The following NRCAM variants were observed in gnomAD, a reference collection of about 807,000 sequenced individuals.
NRCAM encodes neuronal cell adhesion molecule.
In NRCAM, 83 loss-of-function variants were observed where a neutral mutation model predicts 156.5. That is an observed-to-expected ratio of 0.53 (90% CI 0.44 to 0.64). The LOEUF is 0.64. NRCAM is among the 30% of genes least tolerant of loss of function. The pLI is 0.00. For missense variants in NRCAM, 1,417 were observed against 1,597.3 expected (o/e 0.89, Z 1.92); for synonymous variants, 538 against 563.9 (o/e 0.95, Z 0.65).
intron 2 of NRCAM, among the ~76,000 whole-genome samples, chr7:108,355,051 A>G (rs1431409828): frequency 6.6e-6 from 1 of 152,250 alleles, no homozygotes; most frequent in Non-Finnish European, 1.5e-5. Flanking sequence ...GAAGGGTTTT[A>G]GAGAGCTCTG....
At position 108,442,705 on chromosome 7, in the gene NRCAM, A is replaced by G. The variant is rs1839997813; in HGVS notation, c.-332+13538T>C. 2.0e-5 allele frequency among the ~76,000 whole-genome samples: 3 copies of G among 152,226 alleles called. No homozygotes were observed. In the South Asian group the frequency reaches 6.2e-4, roughly 32 times the overall value. ...GTCAATCACCAAATATGACAGTGTT[A>G]TCCACAAATCTTTCAAACTGTCCTT... On this transcript the variant is annotated intron_variant, in intron 1 of 32. Transcript: ENST00000379028.
At chr7:108,161,045 T>C (rs2048629723) in intron 30 of NRCAM, among the ~76,000 whole-genome samples, 1 of 152,256 alleles carries the variant, frequency 6.6e-6, no homozygotes, top group African/African-American at 2.4e-5. Flanking sequence ...AACAGCCATA[T>C]TGTTTTATAT....
At chr7:108,333,170 T>C (rs1201385884) in intron 2 of NRCAM, among the ~76,000 whole-genome samples, 4 of 152,206 alleles carry the variant, frequency 2.6e-5, no homozygotes, top group African/African-American at 9.6e-5. Flanking sequence ...TCTGGAAGTT[T>C]CCATTGCTAT....
intron 2 of NRCAM, among the ~76,000 whole-genome samples, chr7:108,327,911 C>G (rs1020194540): frequency 6.6e-6 from 1 of 152,116 alleles, no homozygotes; most frequent in Admixed American, 6.6e-5. Context: ...TCAAAAACAT[C>G]AGGCATGCAG....
chr7:108,208,866 T>C (rs938184186), intron 12 of NRCAM, among the ~76,000 whole-genome samples: 8 of 152,156 alleles, frequency 5.3e-5, no homozygotes, highest in Admixed American at 3.9e-4. Flanking sequence ...TTAACATTCA[T>C]CACTTGGTTA....
intron 2 of NRCAM, among the ~76,000 whole-genome samples, chr7:108,367,755 G>C (rs1423324245): frequency 6.6e-6 from 1 of 152,102 alleles, no homozygotes; most frequent in Non-Finnish European, 1.5e-5. Flanking sequence ...TTTTTGAGAA[G>C]TTAAGAAAAA....
In NRCAM at chr7:108,436,705, A is replaced by G. The variant is rs964567178; in HGVS notation, c.-332+19538T>C. Among the ~76,000 whole-genome samples, 3 of 152,236 alleles carry G rather than the reference A, an allele frequency of 2.0e-5. No individual in the cohort carries two copies. In the East Asian group the frequency reaches 5.8e-4, roughly 29 times the overall value. ...AAATAAAACACTACAAATACTTTTTAAAAAGAAAGCAGCAAGAAAAAAATG... is the reference window on the plus strand; with the variant it reads ...AAATAAAACACTACAAATACTTTTTGAAAAGAAAGCAGCAAGAAAAAAATG... On this transcript the variant is annotated intron_variant, in intron 1 of 32. Transcript: ENST00000379028.
chr7:108,246,767 C>A (rs1490741955), intron 3 of NRCAM, among the ~76,000 whole-genome samples: 2 of 152,198 alleles, frequency 1.3e-5, no homozygotes, highest in African/African-American at 4.8e-5. Flanking sequence ...CTGTCCTTCT[C>A]CAGTCTTGTG....
intron 12 of NRCAM, 22 bp downstream of exon 12, chr7:108,209,399 G>A (rs755703865): frequency 4.0e-6 from 6 of 1,510,546 alleles, no homozygotes. Flanking sequence ...AAGGCAAGAA[G>A]AATGGATTTT....
At chr7:108,361,321 A>G (rs62469225) in intron 2 of NRCAM, among the ~76,000 whole-genome samples, 41,899 of 152,140 alleles carry the variant, frequency 0.28, 6,415 homozygotes, top group Middle Eastern at 0.37. Flanking sequence ...TTTATATGTC[A>G]GCTTGATTGG....
chr7:108,168,235 C>A, intron 29 of NRCAM, 42 bp downstream of exon 29: 1 of 1,463,892 alleles, frequency 6.8e-7, no homozygotes, highest in Non-Finnish European at 9.1e-7. Flanking sequence ...TTAAAAAATG[C>A]ATCCCCCAAA....
chr7:108,447,061 C>T (rs1845119605), intron 1 of NRCAM, among the ~76,000 whole-genome samples: 1 of 151,986 alleles, frequency 6.6e-6, no homozygotes, highest in Non-Finnish European at 1.5e-5. Context: ...TTTTATTCAG[C>T]CTTATTTGCT....
At chr7:108,321,452 C>A (rs2099000209) in intron 2 of NRCAM, among the ~76,000 whole-genome samples, 1 of 152,126 alleles carries the variant, frequency 6.6e-6, no homozygotes, top group Non-Finnish European at 1.5e-5. Flanking sequence ...TCAGATCTCA[C>A]AGTAATTCAT....
chr7:108,447,271 T>C (rs554584730), intron 1 of NRCAM, among the ~76,000 whole-genome samples: 71 of 145,186 alleles, frequency 4.9e-4, no homozygotes, highest in Non-Finnish European at 7.4e-4. Flanking sequence ...TTTTTTTTTT[T>C]TTTTTTTTTT....
At chr7:108,173,740 CT>C (rs2059424828) in intron 28 of NRCAM, among the ~76,000 whole-genome samples, 1 of 152,140 alleles carries the variant, frequency 6.6e-6, no homozygotes, top group Non-Finnish European at 1.5e-5. Context: ...GCTTAATGAA[CT>C]TTCAGACACT....
At chr7:108,243,306 C>A (rs1321183328) in intron 3 of NRCAM, 1 of 152,162 alleles carries the variant, frequency 6.6e-6, no homozygotes, top group African/African-American at 2.4e-5. Context: ...CATTAAGTCC[C>A]CAGCACTCAA....
At chr7:108,449,907 T>G (rs1280957846) in intron 1 of NRCAM, among the ~76,000 whole-genome samples, 2 of 145,982 alleles carry the variant, frequency 1.4e-5, no homozygotes, top group African/African-American at 5.4e-5. Context: ...AGAAATAGAT[T>G]TTTTTTTTTT....
intron 28 of NRCAM, 40 bp from the exon 29 acceptor site, chr7:108,168,442 G>C (rs1230327352): frequency 6.5e-7 from 1 of 1,542,652 alleles, no homozygotes; most frequent in South Asian, 1.3e-5. Context: ...CAATCATATT[G>C]CAACACCATA....
chr7:108,274,360 C>T (rs370360786), intron 3 of NRCAM, among the ~76,000 whole-genome samples: 2 of 152,180 alleles, frequency 1.3e-5, no homozygotes, highest in African/African-American at 4.8e-5. Context: ...ATTGATTCCT[C>T]CTATCCATGA....
Sources: allele counts gnomAD v4.1 joint callset (sites outside exome capture counted in the v4.1 genomes callset), GRCh38; gene constraint gnomAD v4.1.1; transcripts MANE v1.5; gene names NCBI Gene and HGNC (gene_info 2026-07-23, HGNC 2026-07-21).